The following TRIM4 variants were observed in gnomAD, a reference collection of about 807,000 sequenced individuals.
The protein encoded by TRIM4 is E3 ubiquitin-protein ligase TRIM4.
A neutral mutation model predicts 33.7 loss-of-function variants in TRIM4; 29 were observed. That is an observed-to-expected ratio of 0.86 (90% CI 0.64 to 1.17). The LOEUF (loss-of-function observed/expected upper bound fraction) is 1.17. Ranked by LOEUF, TRIM4 falls within the 50% of genes most tolerant of loss-of-function variation. The pLI, the probability that TRIM4 is intolerant of heterozygous loss-of-function variation, is 0.00. For synonymous variants in TRIM4, 224 were observed against 233.0 expected (o/e 0.96, Z 0.35); for missense variants, 554 against 593.7 (o/e 0.93, Z 0.69).
chr7:99,919,360 G>T lies in TRIM4; in HGVS notation c.42C>A (p.Ile14=), dbSNP rs745620602. 1 of 1,578,130 alleles carries T rather than the reference G, an allele frequency of 6.3e-7. No homozygotes were observed. Among genetic ancestry groups the T allele is most frequent in the South Asian group, 1.1e-5 (1 of 87,066 alleles). Residue 14 remains isoleucine, a synonymous_variant, in exon 1 of 6, where the codon ATC becomes ATA. Transcript: ENST00000349062. The part of the protein sequence containing the change: ...EDIQEELTCP[I]CLDYFQDPVS... ...CCGGGTCCTGGAAATAGTCCAGGCAGATGGGGCAGGTCAACTCCTCCTGGA... is the reference window on the plus strand; with the variant it reads ...CCGGGTCCTGGAAATAGTCCAGGCATATGGGGCAGGTCAACTCCTCCTGGA...
At chr7:99,908,925 G>T in intron 2 of TRIM4, 113 bp from the exon 3 acceptor site, 1 of 954,606 alleles carries the variant, frequency 1.0e-6, no homozygotes, top group Non-Finnish European at 1.5e-6. Flanking sequence ...CTCTTGAAAA[G>T]CTCCTGCCCA....
At chr7:99,909,912 C>T (rs1378352215) in intron 1 of TRIM4, among the ~76,000 whole-genome samples, 4 of 151,272 alleles carry the variant, frequency 2.6e-5, no homozygotes, top group African/African-American at 4.9e-5. Flanking sequence ...TTTTATGTTT[C>T]GTAGAGACAA....
intron 5 of TRIM4, chr7:99,902,105 C>T (rs749850405): frequency 3.1e-5 from 24 of 765,116 alleles, no homozygotes; most frequent in African/African-American, 5.1e-5. Flanking sequence ...CACTGCCTGA[C>T]GTCTGGTGCT....
Position 99,890,669 on chromosome 7 carries a change from T to G in TRIM4, c.*1494A>C, listed in dbSNP as rs921592243. On this transcript the variant is annotated 3_prime_UTR_variant, in exon 6 of 6. Transcript: ENST00000349062. ...TCACGTATAAGGGAGAGCTAAACAT[T>G]GAGTACCCATGGACACAAAAAAGGG... The G allele has an allele frequency of 6.6e-6, 1 of 152,034 alleles. No individual in the cohort carries two copies. The highest frequency in any genetic ancestry group is 2.4e-5 in the African/African-American group (1 of 41,374). 9.4% of individuals were successfully genotyped at this position (152,034 alleles called of 1,614,324 possible).
At chr7:99,903,515 C>G in intron 4 of TRIM4, 61 bp downstream of exon 4, 1 of 1,606,426 alleles carries the variant, frequency 6.2e-7, no homozygotes, top group Non-Finnish European at 8.5e-7. Flanking sequence ...TGTTTCCCCT[C>G]TGCTCAGCCT....
At chr7:99,903,638 C>T (rs377709959) in intron 3 of TRIM4, 40 bp from the exon 4 acceptor site, 1 of 1,612,976 alleles carries the variant, frequency 6.2e-7, no homozygotes, top group Non-Finnish European at 8.5e-7. Context: ...TACGAACCTT[C>T]TCCTGGAGAC....
rs1819183610 is a variant in TRIM4 at position 99,902,015 on chromosome 7, T to C, written c.841+1203A>G. ...TCAGTTACCTCAGCCTTACATGGTC[T>C]GGAAACTCCCTCAGGCAGAGGGTAG... On this transcript the variant is annotated intron_variant, in intron 5 of 5. Transcript: ENST00000349062. 1.1e-5 allele frequency: 8 copies of C among 700,878 alleles called. No individual in the cohort carries two copies. In the Admixed American group the frequency reaches 1.4e-4, roughly 12 times the overall value. 43.4% of individuals were successfully genotyped at this position (700,878 alleles called of 1,614,324 possible). A position where few individuals can be genotyped will look rare whatever the true frequency, so the allele number is the denominator to read the frequency against.
At chr7:99,895,063 G>A (rs148013546) in intron 5 of TRIM4, among the ~76,000 whole-genome samples, 1 of 152,268 alleles carries the variant, frequency 6.6e-6, no homozygotes, top group Non-Finnish European at 1.5e-5. Flanking sequence ...TCACTGCAAT[G>A]ATTTCTGCTC....
Position 99,919,441 on chromosome 7 carries a change from G to A in TRIM4, c.-40C>T. On this transcript the variant is annotated 5_prime_UTR_variant, in exon 1 of 6. Transcript: ENST00000349062. ...GCGGAGACGGAGTCCGACGTGAGGC[G>A]CGGGAGAGGCCAGCAAGCTGCGAGC... 1 of 1,481,064 alleles carries A rather than the reference G, an allele frequency of 6.8e-7. No homozygotes were observed. The highest frequency in any genetic ancestry group is 9.0e-7 in the Non-Finnish European group (1 of 1,115,710). 91.7% of individuals were successfully genotyped at this position (1,481,064 alleles called of 1,614,324 possible). A position where few individuals can be genotyped will look rare whatever the true frequency, so the allele number is the denominator to read the frequency against.
chr7:99,905,335 G>A (rs1047393354), intron 3 of TRIM4, among the ~76,000 whole-genome samples: 1 of 152,178 alleles, frequency 6.6e-6, no homozygotes, highest in East Asian at 1.9e-4. Flanking sequence ...GAACACACAT[G>A]TATGTCCTAT....
intron 3 of TRIM4, 35 bp downstream of exon 3, chr7:99,908,547 G>A: frequency 6.6e-7 from 1 of 1,521,816 alleles, no homozygotes; most frequent in Middle Eastern, 1.8e-4. Context: ...TTCAGTTAGT[G>A]AAGATGAGAT....
At chr7:99,916,962 T>C (rs1819568508) in intron 1 of TRIM4, among the ~76,000 whole-genome samples, 1 of 152,236 alleles carries the variant, frequency 6.6e-6, no homozygotes, top group Non-Finnish European at 1.5e-5. Flanking sequence ...GCTCCAGAAG[T>C]ACTGAGCAAC....
Position 99,909,552 on chromosome 7 carries a change from CT to C in TRIM4, c.489+12del. 6.2e-7 allele frequency: 1 copy of C among 1,612,012 alleles called. No homozygotes were observed. Among genetic ancestry groups the C allele is most frequent in the Non-Finnish European group, 8.5e-7 (1 of 1,178,656 alleles). ...CTCAGGAGCAAGAAATATCCAACCA[CT>C]TCTGCCATTACCTTCCACTGTGTGG... On this transcript the variant is annotated intron_variant, in intron 2 of 5. Coordinates refer to ENST00000349062, the MANE Select transcript of TRIM4 (RefSeq NM_033091.3).
chr7:99,919,236 A>T lies in TRIM4; in HGVS notation c.166T>A (p.Ser56Thr). Reference protein sequence around the residue: ...PFPCPECRHPSAPAALRPNWA... With the variant: ...PFPCPECRHPTAPAALRPNWA... ...TTGGGTCGCAGCGCGGCGGGCGCCGATGGGTGCCGACATTCGGGGCAGGGG... is the reference window on the plus strand; with the variant it reads ...TTGGGTCGCAGCGCGGCGGGCGCCGTTGGGTGCCGACATTCGGGGCAGGGG... The change falls in exon 1 of 6, where the codon TCG (serine) becomes ACG (threonine). Residue 56 changes from serine to threonine, a missense_variant. Physicochemically the swap from Ser to Thr is moderately conservative, Grantham distance 58. Around this residue, in one of 3 missense-constraint regions of TRIM4, gnomAD observed 233 missense variants for 203.1 expected, o/e 1.15. Coordinates refer to ENST00000349062, the MANE Select transcript of TRIM4 (RefSeq NM_033091.3). 4 of 1,529,776 alleles carry T rather than the reference A, an allele frequency of 2.6e-6. No homozygotes were observed. The highest frequency in any genetic ancestry group is 3.5e-6 in the Non-Finnish European group (4 of 1,138,376). The allele number at this position is 1,529,776 out of a possible 1,614,324, so 94.8% of individuals were successfully genotyped here.
chr7:99,918,214 A>G (rs1819601261), intron 1 of TRIM4, among the ~76,000 whole-genome samples: 1 of 152,214 alleles, frequency 6.6e-6, no homozygotes, highest in Admixed American at 6.5e-5. Flanking sequence ...CCAAACTGCT[A>G]TGTGTTGTAA....
chr7:99,892,513 C>A lies in TRIM4; in HGVS notation c.1075G>T (p.Glu359Ter). ...GCAACCTCCAGACTATCTCTACTCT[C>A]AACTTCCCAGTAATGTTTCCCTGAG... ...FTSGKHYWEVESRDSLEVAVG... is the reference protein window; with the variant it reads ...FTSGKHYWEV Residue 359 changes from glutamate (E) to a stop codon, truncating the protein, a stop_gained, in exon 6 of 6, where the codon GAG (glutamate) becomes TAG (stop). Transcript: ENST00000349062. LOFTEE classifies it low-confidence loss of function (END_TRUNC). The A allele has an allele frequency of 1.9e-6, 3 of 1,614,232 alleles. No individual in the cohort carries two copies. The highest frequency in any genetic ancestry group is 2.5e-6 in the Non-Finnish European group (3 of 1,180,038).
Position 99,915,329 on chromosome 7 carries a change from A to G in TRIM4, c.393+3680T>C, listed in dbSNP as rs1212861739. Reference sequence around the variant, plus strand: ...AGCCAGTGCTCAATAAACATCTTAAATTAATTAACAGAATGGAGGGATTAG... The same window carrying G: ...AGCCAGTGCTCAATAAACATCTTAAGTTAATTAACAGAATGGAGGGATTAG... On this transcript the variant is annotated intron_variant, in intron 1 of 5. Transcript: ENST00000349062. 3.3e-5 allele frequency among the ~76,000 whole-genome samples: 5 copies of G among 152,186 alleles called. No homozygotes were observed. In the East Asian group the frequency reaches 9.6e-4, roughly 29 times the overall value.
At chr7:99,899,727 A>G (rs1819111388) in intron 5 of TRIM4, among the ~76,000 whole-genome samples, 1 of 152,154 alleles carries the variant, frequency 6.6e-6, no homozygotes, top group Admixed American at 6.5e-5. Flanking sequence ...AAAAGGATAT[A>G]TATGTCTGTG....
At chr7:99,918,641 T>C (rs1249732980) in intron 1 of TRIM4, among the ~76,000 whole-genome samples, 2 of 152,162 alleles carry the variant, frequency 1.3e-5, no homozygotes, top group East Asian at 1.9e-4. Flanking sequence ...AAATAAAATA[T>C]ATTATTACAA....
Sources: allele counts gnomAD v4.1 joint callset (sites outside exome capture counted in the v4.1 genomes callset), GRCh38; gene constraint gnomAD v4.1.1; regional missense constraint gnomAD v4.1.1; transcripts MANE v1.5; gene names NCBI Gene and HGNC (gene_info 2026-07-23, HGNC 2026-07-21).